The following TP63 variants were observed in gnomAD, a reference collection of about 807,000 sequenced individuals.
The protein encoded by TP63 is tumor protein p63, also known as tumor protein 63.
TP63 carries 17 observed loss-of-function variants against 82.8 expected under a neutral mutation model. The ratio of observed to expected loss-of-function variants is 0.21; its 90% CI spans 0.14 to 0.31. The LOEUF (loss-of-function observed/expected upper bound fraction) is 0.31, where lower values mean the gene tolerates loss of function less well. TP63 is among the 10% of genes least tolerant of loss of function. TP63 has a pLI of 1.00. For synonymous variants in TP63, 330 were observed against 321.7 expected, an observed-to-expected ratio of 1.03 and a Z score of -0.28; for missense variants, 648 against 895.3, an observed-to-expected ratio of 0.72 and a Z score of 3.52.
At chr3:189,622,074 T>G in the TP63 span, among the ~76,000 whole-genome samples, 1 of 152,190 alleles carries the variant, frequency 6.6e-6, no homozygotes. Flanking sequence ...ACAGAAGCAT[T>G]TGATCAGTGC....
At chr3:189,886,093 G>A (rs1720416613) in intron 10 of TP63, among the ~76,000 whole-genome samples, 1 of 152,158 alleles carries the variant, frequency 6.6e-6, no homozygotes, top group Admixed American at 6.5e-5. Flanking sequence ...GAAGGGAATG[G>A]AGAAAACAAC....
At chr3:189,815,894 G>C (rs1016985365) in intron 4 of TP63, among the ~76,000 whole-genome samples, 70 of 152,104 alleles carry the variant, frequency 4.6e-4, no homozygotes, top group Admixed American at 4.5e-3. Flanking sequence ...TACATTATCA[G>C]AACATATTTT....
At chr3:189,721,498 G>A (rs918901067) in intron 1 of TP63, among the ~76,000 whole-genome samples, 10 of 151,448 alleles carry the variant, frequency 6.6e-5, no homozygotes, top group Middle Eastern at 3.2e-3. Context: ...TGCATTGCCC[G>A]TTGTGATTGG....
the TP63 span, among the ~76,000 whole-genome samples, chr3:189,625,679 A>G: frequency 8.8e-4 from 134 of 152,252 alleles, no homozygotes; most frequent in African/African-American, 3.0e-3. Flanking sequence ...CATATCTGCA[A>G]CTGACAAATG....
intron 1 of TP63, among the ~76,000 whole-genome samples, chr3:189,663,521 C>CTTTTT (rs397991949): frequency 0.015 from 1,291 of 84,510 alleles, 50 homozygotes; most frequent in Non-Finnish European, 0.018. Flanking sequence ...TTCATTCATT[C>CTTTTT]TTTTTTTTTT....
rs528057942 is a variant in TP63 at position 189,759,499 on chromosome 3, G to A, written c.324+20725G>A. ...AGAGGTTTTGAGAACATGTGCCCAA[G>A]GTTGTTGGTTTTCAGCTTGATTTTA... On this transcript the variant is annotated intron_variant, in intron 3 of 13. Transcript: ENST00000264731. Among the ~76,000 whole-genome samples the A allele has an allele frequency of 2.6e-5, 4 of 152,272 alleles. No individual in the cohort carries two copies. In the South Asian group the frequency reaches 8.3e-4, roughly 32 times the overall value.
chr3:189,855,347 A>G (rs1052824446), intron 4 of TP63, among the ~76,000 whole-genome samples: 26 of 152,174 alleles, frequency 1.7e-4, no homozygotes, highest in African/African-American at 6.3e-4. Context: ...ATGGAAAAAT[A>G]AGCAGCTTAC....
intron 1 of TP63, among the ~76,000 whole-genome samples, chr3:189,719,419 G>A (rs563611983): frequency 9.9e-5 from 15 of 152,110 alleles, no homozygotes; most frequent in Admixed American, 3.3e-4. Flanking sequence ...TTTTGCATCC[G>A]ATGTATCAGA....
intron 1 of TP63, among the ~76,000 whole-genome samples, chr3:189,667,113 A>G (rs1714461967): frequency 6.6e-6 from 1 of 150,422 alleles, no homozygotes; most frequent in South Asian, 2.1e-4. Flanking sequence ...TGAAAGAAGG[A>G]GCTGACACAC....
At chr3:189,875,032 C>A (rs922459635) in intron 10 of TP63, among the ~76,000 whole-genome samples, 1 of 139,090 alleles carries the variant, frequency 7.2e-6, no homozygotes, top group Non-Finnish European at 1.5e-5. Context: ...ATATGTAGTA[C>A]AGGAATTGGC....
intron 4 of TP63, among the ~76,000 whole-genome samples, chr3:189,813,446 C>G (rs894210881): frequency 6.6e-6 from 1 of 152,072 alleles, no homozygotes. Flanking sequence ...TCTTTGTGCT[C>G]CCCTCTAGTG....
intron 4 of TP63, among the ~76,000 whole-genome samples, chr3:189,846,042 A>T (rs746500280): frequency 4.6e-5 from 7 of 152,058 alleles, no homozygotes; most frequent in Admixed American, 1.3e-4. Flanking sequence ...CTGAATTACC[A>T]GTCTGCCAGC....
At chr3:189,864,139 A>C (rs1717396285) in intron 4 of TP63, 93 bp from the exon 5 acceptor site, 1 of 1,550,550 alleles carries the variant, frequency 6.4e-7, no homozygotes, top group Non-Finnish European at 8.9e-7. Flanking sequence ...AGCTCTAAAA[A>C]GTGGACAGAT....
At chr3:189,651,979 G>A (rs1712932024) in intron 1 of TP63, among the ~76,000 whole-genome samples, 1 of 147,068 alleles carries the variant, frequency 6.8e-6, no homozygotes. Context: ...AGATTTAAGA[G>A]GACGTGTGGA....
intron 1 of TP63, among the ~76,000 whole-genome samples, chr3:189,682,923 G>T (rs1435955578): frequency 1.3e-5 from 2 of 152,096 alleles, no homozygotes; most frequent in African/African-American, 4.8e-5. Flanking sequence ...GTTTATAAAT[G>T]ATACTAATGA....
chr3:189,607,366 G>C, the TP63 span, among the ~76,000 whole-genome samples: 1 of 152,094 alleles, frequency 6.6e-6, no homozygotes, highest in South Asian at 2.1e-4. Flanking sequence ...GAACTTTTGT[G>C]CTATCTTTGC....
At chr3:189,790,172 T>C (rs1399648079) in intron 3 of TP63, among the ~76,000 whole-genome samples, 1 of 152,110 alleles carries the variant, frequency 6.6e-6, no homozygotes, top group Non-Finnish European at 1.5e-5. Context: ...TACATTGCAA[T>C]GAATCCTCTG....
chr3:189,864,540 CCTTTT>C, intron 5 of TP63, 122 bp downstream of exon 5: 4 of 443,288 alleles, frequency 9.0e-6, no homozygotes, highest in Admixed American at 4.9e-5. Flanking sequence ...GATCAGTCTG[CCTTTT>C]TTTTTTTTTT....
At chr3:189,753,379 A>G (rs1168955120) in intron 3 of TP63, among the ~76,000 whole-genome samples, 1 of 152,026 alleles carries the variant, frequency 6.6e-6, no homozygotes, top group Non-Finnish European at 1.5e-5. Context: ...TGACTCTTCT[A>G]TTAATATATA....
Sources: gnomAD v4.1 joint callset for allele counts (sites outside exome capture counted in the v4.1 genomes callset) on GRCh38, gnomAD v4.1.1 for gene constraint, MANE v1.5 for transcripts, NCBI Gene and HGNC (gene_info 2026-07-23, HGNC 2026-07-21) for gene names.